The following DCLK1 variants were observed in gnomAD, a reference collection of about 807,000 sequenced individuals.
DCLK1 encodes the protein doublecortin like kinase 1, also known as serine/threonine-protein kinase DCLK1.
A neutral mutation model predicts 86.2 loss-of-function variants in DCLK1; 16 were observed. That is an observed-to-expected ratio of 0.19 (90% CI 0.13 to 0.28). The LOEUF is 0.28. Among genes scored for constraint, DCLK1 ranks in the 10% least tolerant of loss-of-function variants. The pLI, the probability that DCLK1 is intolerant of heterozygous loss-of-function variation, is 1.00. For missense variants in DCLK1, 590 were observed against 940.2 expected (o/e 0.63, Z 4.87); for synonymous variants, 369 against 370.5 (o/e 1.00, Z 0.05).
chr13:36,127,626 T>A (rs1393917749), intron 1 of DCLK1, among the ~76,000 whole-genome samples: 1 of 152,250 alleles, frequency 6.6e-6, no homozygotes, highest in African/African-American at 2.4e-5. Flanking sequence ...CTAATTTTTT[T>A]ATTAATAAAA....
At chr13:36,096,250 A>G (rs1885017425) in intron 3 of DCLK1, among the ~76,000 whole-genome samples, 2 of 152,220 alleles carry the variant, frequency 1.3e-5, no homozygotes, top group Admixed American at 1.3e-4. Context: ...TCTCAGCCAG[A>G]GACCAGCTTT....
chr13:35,880,879 T>C (rs1304612552), intron 4 of DCLK1, among the ~76,000 whole-genome samples: 1 of 152,130 alleles, frequency 6.6e-6, no homozygotes, highest in Non-Finnish European at 1.5e-5. Context: ...CTTCTTCTCA[T>C]AAAAAACCCA....
At chr13:35,834,541 T>C (rs1464768326) in intron 8 of DCLK1, among the ~76,000 whole-genome samples, 1 of 152,248 alleles carries the variant, frequency 6.6e-6, no homozygotes. Context: ...TATGAAAGTA[T>C]TGTGTTAATT....
intron 4 of DCLK1, 114 bp downstream of exon 4, chr13:35,947,244 G>A (rs1877435151): frequency 1.5e-6 from 1 of 657,094 alleles, no homozygotes; most frequent in Non-Finnish European, 2.6e-6. Context: ...CACGCTGGGT[G>A]AGGATCTGAA....
At chr13:36,068,465 T>C (rs1426965359) in intron 3 of DCLK1, among the ~76,000 whole-genome samples, 4 of 152,206 alleles carry the variant, frequency 2.6e-5, no homozygotes, top group African/African-American at 9.6e-5. Context: ...TATGTAAAAC[T>C]TGTATAATAT....
chr13:35,882,864 C>T (rs553537274), intron 4 of DCLK1, among the ~76,000 whole-genome samples: 171 of 152,156 alleles, frequency 1.1e-3, no homozygotes, highest in African/African-American at 4.1e-3. Context: ...TATACTCCAG[C>T]GGAGGAAATG....
chr13:35,838,072 A>AAAAAAAAAAAGAAAAG (rs1555343219), intron 7 of DCLK1, among the ~76,000 whole-genome samples: 2 of 149,836 alleles, frequency 1.3e-5, no homozygotes, highest in African/African-American at 5.0e-5. Flanking sequence ...TCTCAAAAAA[A>AAAAAAAAAAAGAAAAG]AAAAGAAAAG....
At chr13:35,894,647 C>T (rs563553491) in intron 4 of DCLK1, among the ~76,000 whole-genome samples, 1 of 152,244 alleles carries the variant, frequency 6.6e-6, no homozygotes, top group East Asian at 1.9e-4. Flanking sequence ...AGAAGGTGCT[C>T]AGCGGAGGGG....
At chr13:36,049,595 CT>C (rs1883055568) in intron 3 of DCLK1, among the ~76,000 whole-genome samples, 1 of 152,072 alleles carries the variant, frequency 6.6e-6, no homozygotes, top group Admixed American at 6.6e-5. Context: ...TGTTTTCTAT[CT>C]TAATTATCTG....
chr13:35,778,847 T>A (rs2086472493), intron 16 of DCLK1, among the ~76,000 whole-genome samples: 2 of 152,128 alleles, frequency 1.3e-5, no homozygotes, highest in African/African-American at 2.4e-5. Context: ...TACATTTCCT[T>A]TTTCACTTAA....
chr13:36,008,793 C>A (rs957892464), intron 3 of DCLK1, among the ~76,000 whole-genome samples: 2 of 151,538 alleles, frequency 1.3e-5, no homozygotes, highest in Admixed American at 6.6e-5. Context: ...CCTGAGAAAT[C>A]GCCACACTGA....
At chr13:36,045,338 A>G (rs1434659462) in intron 3 of DCLK1, among the ~76,000 whole-genome samples, 238 of 78,548 alleles carry the variant, frequency 3.0e-3, no homozygotes, top group African/African-American at 0.011. Flanking sequence ...GTGTGTATAT[A>G]TATATATATA....
intron 16 of DCLK1, 88 bp from the exon 17 acceptor site, chr13:35,774,787 A>G: frequency 1.4e-6 from 2 of 1,429,090 alleles, no homozygotes; most frequent in South Asian, 1.3e-5. Flanking sequence ...GAGGTCAGAA[A>G]AAATACACTG....
chr13:35,850,356 A>G, intron 6 of DCLK1: 1 of 998,888 alleles, frequency 1.0e-6, no homozygotes, highest in Non-Finnish European at 1.2e-6. Flanking sequence ...CTTATAATTA[A>G]GAAGAAAACT....
chr13:36,061,275 C>T (rs142911664), intron 3 of DCLK1, among the ~76,000 whole-genome samples: 82 of 152,266 alleles, frequency 5.4e-4, no homozygotes, highest in Non-Finnish European at 9.6e-4. Flanking sequence ...TGGCCAATTT[C>T]GAGTTACAGC....
intron 15 of DCLK1, among the ~76,000 whole-genome samples, chr13:35,794,973 C>T (rs942698866): frequency 6.6e-6 from 1 of 152,120 alleles, no homozygotes; most frequent in Non-Finnish European, 1.5e-5. Context: ...TCCACCAGAA[C>T]CTTGCAGGCT....
chr13:35,936,934 C>T (rs967643377), intron 4 of DCLK1, among the ~76,000 whole-genome samples: 2 of 147,226 alleles, frequency 1.4e-5, no homozygotes, highest in Admixed American at 6.9e-5. Context: ...CCTGAAGAAC[C>T]CATTAAAACA....
At chr13:35,858,453 G>A (rs927491108) in intron 5 of DCLK1, among the ~76,000 whole-genome samples, 7 of 152,164 alleles carry the variant, frequency 4.6e-5, no homozygotes, top group African/African-American at 9.7e-5. Flanking sequence ...CTTGTCCAAA[G>A]ACAAACAGCT....
At chr13:36,111,757 G>A in intron 3 of DCLK1, 112 bp downstream of exon 3, 1 of 872,364 alleles carries the variant, frequency 1.1e-6, no homozygotes, top group Non-Finnish European at 1.7e-6. Flanking sequence ...TGTTGATCAA[G>A]TGACCCAGGC....
Sources: gnomAD v4.1 joint callset for allele counts (sites outside exome capture counted in the v4.1 genomes callset) on GRCh38, gnomAD v4.1.1 for gene constraint, MANE v1.5 for transcripts, NCBI Gene and HGNC (gene_info 2026-07-23, HGNC 2026-07-21) for gene names.